PRKG1: variants seen among roughly 807,000 people sequenced by gnomAD.
The protein encoded by PRKG1 is protein kinase cGMP-dependent 1, also known as cGMP-dependent protein kinase 1.
PRKG1 carries 35 observed loss-of-function variants against 88.1 expected under a neutral mutation model. The ratio of observed to expected loss-of-function variants is 0.40; its 90% CI spans 0.30 to 0.53. The LOEUF is 0.53. Ranked by LOEUF, PRKG1 falls within the 20% of genes least tolerant of loss-of-function variation. The probability of loss-of-function intolerance (pLI) is 0.59; values close to 1 mark genes in which losing one functional copy is unlikely to be tolerated. For missense variants in PRKG1, 540 were observed against 839.8 expected (o/e 0.64, Z 4.41); for synonymous variants, 303 against 292.5 (o/e 1.04, Z -0.37).
intron 3 of PRKG1, among the ~76,000 whole-genome samples, chr10:51,597,801 C>T (rs992398411): frequency 1.3e-5 from 2 of 152,080 alleles, no homozygotes; most frequent in Non-Finnish European, 2.9e-5. Context: ...TATATAAGCA[C>T]AATGAATCAC....
chr10:51,516,228 C>A (rs1056857721), intron 3 of PRKG1, among the ~76,000 whole-genome samples: 2 of 152,126 alleles, frequency 1.3e-5, no homozygotes, highest in Non-Finnish European at 2.9e-5. Context: ...TCGCTCTCCC[C>A]TGAAGTCAAG....
At chr10:51,516,717 A>T (rs79723450) in intron 3 of PRKG1, among the ~76,000 whole-genome samples, 8,673 of 152,312 alleles carry the variant, frequency 0.057, 793 homozygotes, top group African/African-American at 0.19. Flanking sequence ...CAAGTCAATG[A>T]AGACCTGTGT....
chr10:51,807,363 T>C (rs924350485), intron 4 of PRKG1, among the ~76,000 whole-genome samples: 2 of 152,166 alleles, frequency 1.3e-5, no homozygotes, highest in Admixed American at 6.6e-5. Flanking sequence ...TGAAGCCATG[T>C]AGGGGTGGAA....
At chr10:51,246,438 G>A (rs916305530) in intron 2 of PRKG1, among the ~76,000 whole-genome samples, 7 of 152,012 alleles carry the variant, frequency 4.6e-5, no homozygotes, top group African/African-American at 1.4e-4. Flanking sequence ...AAGTTTTATT[G>A]GAACACAGGC....
chr10:52,121,273 G>A (rs1371235838), intron 7 of PRKG1, among the ~76,000 whole-genome samples: 1 of 152,174 alleles, frequency 6.6e-6, no homozygotes, highest in East Asian at 1.9e-4. Flanking sequence ...GAACATATCT[G>A]AAATGCCTAG....
intron 4 of PRKG1, among the ~76,000 whole-genome samples, chr10:51,813,786 C>A (rs1397711995): frequency 6.6e-6 from 1 of 152,098 alleles, no homozygotes; most frequent in Non-Finnish European, 1.5e-5. Context: ...TCTTGGAGTA[C>A]CTGGGTTTCC....
chr10:51,433,804 C>T (rs1838842699), intron 2 of PRKG1, among the ~76,000 whole-genome samples: 1 of 152,080 alleles, frequency 6.6e-6, no homozygotes, highest in Admixed American at 6.6e-5. Flanking sequence ...TATGCAGACA[C>T]AATGCCTAAC....
At chr10:52,166,806 T>TAC (rs1262031327) in intron 9 of PRKG1, among the ~76,000 whole-genome samples, 57 of 1,318 alleles carry the variant, frequency 0.043, no homozygotes, top group African/African-American at 0.047. Context: ...TACATATATA[T>TAC]ATGTATATAT....
At chr10:51,096,121 T>C (rs1210395736) in intron 1 of PRKG1, among the ~76,000 whole-genome samples, 1 of 152,114 alleles carries the variant, frequency 6.6e-6, no homozygotes, top group Non-Finnish European at 1.5e-5. Flanking sequence ...TGTTTCTTTT[T>C]TTAAATGGTA....
chr10:51,921,736 C>T (rs1842467306), intron 5 of PRKG1, among the ~76,000 whole-genome samples: 1 of 151,950 alleles, frequency 6.6e-6, no homozygotes, highest in South Asian at 2.1e-4. Flanking sequence ...GAATGTTGAA[C>T]AAGACTTGCA....
At chr10:52,081,955 C>T (rs985206051) in intron 7 of PRKG1, among the ~76,000 whole-genome samples, 1 of 152,042 alleles carries the variant, frequency 6.6e-6, no homozygotes, top group Non-Finnish European at 1.5e-5. Context: ...TCTCATGCTG[C>T]TATAAAGAAC....
At chr10:51,995,470 C>A (rs1175828577) in intron 5 of PRKG1, among the ~76,000 whole-genome samples, 1 of 152,072 alleles carries the variant, frequency 6.6e-6, no homozygotes, top group Non-Finnish European at 1.5e-5. Flanking sequence ...ATAGGCCAAC[C>A]AATTTTCTGA....
At chr10:51,826,353 T>C (rs1839881210) in intron 4 of PRKG1, among the ~76,000 whole-genome samples, 1 of 152,156 alleles carries the variant, frequency 6.6e-6, no homozygotes, top group Admixed American at 6.6e-5. Context: ...AAGAATATGT[T>C]CTAGTAAAAT....
chr10:51,543,035 C>T (rs1842349674), intron 3 of PRKG1, among the ~76,000 whole-genome samples: 1 of 152,110 alleles, frequency 6.6e-6, no homozygotes, highest in Admixed American at 6.6e-5. Context: ...TTCTTAATTC[C>T]TGAGTCAGAT....
At chr10:51,646,574 C>T (rs1035594697) in intron 3 of PRKG1, among the ~76,000 whole-genome samples, 2 of 151,916 alleles carry the variant, frequency 1.3e-5, no homozygotes, top group Admixed American at 1.3e-4. Flanking sequence ...CATCCGTAAA[C>T]ATTTATGGAC....
At chr10:52,180,955 G>A (rs745305896) in intron 9 of PRKG1, among the ~76,000 whole-genome samples, 2 of 152,168 alleles carry the variant, frequency 1.3e-5, no homozygotes, top group Non-Finnish European at 1.5e-5. Flanking sequence ...CTGAGTGTAT[G>A]TCTGTTGGAG....
chr10:51,013,460 G>A (rs920241204), intron 1 of PRKG1, among the ~76,000 whole-genome samples: 8 of 152,048 alleles, frequency 5.3e-5, no homozygotes, highest in Admixed American at 1.3e-4. Context: ...GTGCGATCTC[G>A]GCTCACCACA....
At chr10:52,258,456 G>T (rs1426303125) in intron 10 of PRKG1, among the ~76,000 whole-genome samples, 1 of 149,578 alleles carries the variant, frequency 6.7e-6, no homozygotes, top group Non-Finnish European at 1.5e-5. Context: ...GTATAATTTT[G>T]CCCTTATAGC....
intron 2 of PRKG1, chr10:51,244,829 T>C (rs1180651717): frequency 6.6e-6 from 1 of 151,668 alleles, no homozygotes; most frequent in Non-Finnish European, 1.5e-5. Context: ...CTCAGCTGCT[T>C]GAGGTTACCT....
Sources: allele counts gnomAD v4.1 joint callset (sites outside exome capture counted in the v4.1 genomes callset), GRCh38; gene constraint gnomAD v4.1.1; transcripts MANE v1.5; gene names NCBI Gene and HGNC (gene_info 2026-07-23, HGNC 2026-07-21).